The following NEK7 variants were observed in gnomAD, a reference collection of about 807,000 sequenced individuals.
NEK7 encodes NIMA related kinase 7.
Under a neutral mutation model 44.6 loss-of-function variants are expected in NEK7, and 18 were observed. The ratio of observed to expected loss-of-function variants is 0.40; its 90% CI spans 0.28 to 0.60. The LOEUF (loss-of-function observed/expected upper bound fraction) is 0.60, where lower values mean the gene tolerates loss of function less well. NEK7 is among the 20% of genes least tolerant of loss of function. The pLI is 0.38. For missense variants in NEK7, 256 were observed against 366.5 expected, an observed-to-expected ratio of 0.70 and a Z score of 2.46; for synonymous variants, 130 against 121.1, an observed-to-expected ratio of 1.07 and a Z score of -0.48.
rs147869998 is a variant in NEK7, at chr1:198,192,676, A to G, written c.-29+35400A>G. On this transcript the variant is annotated intron_variant, in intron 1 of 9. Coordinates refer to ENST00000367385, the MANE Select transcript of NEK7 (RefSeq NM_133494.3). ...ATTAAGAAACACACTCAAAACCACA[A>G]CTACATGGAAATTGAACAGCCTGCT... Among the ~76,000 whole-genome samples the G allele has an allele frequency of 1.6e-4, 25 of 152,294 alleles. No individual in the cohort carries two copies. In the East Asian group the frequency reaches 4.6e-3, roughly 28 times the overall value.
intron 1 of NEK7, chr1:198,197,910 C>T: frequency 1.5e-6 from 2 of 1,318,994 alleles, no homozygotes; most frequent in Non-Finnish European, 2.2e-6. Flanking sequence ...CCGAACATGC[C>T]AGGAGCCAAG....
In NEK7 at chr1:198,320,749, A is replaced by G. The variant is rs1024322549; in HGVS notation, c.*1227A>G. 3.9e-5 allele frequency: 6 copies of G among 152,206 alleles called. No individual in the cohort carries two copies. The highest frequency in any genetic ancestry group is 2.1e-4 in the South Asian group (1 of 4,832). The allele number at this position is 152,206 out of a possible 1,614,324, so 9.4% of individuals were successfully genotyped here. A position where few individuals can be genotyped will look rare whatever the true frequency, so the allele number is the denominator to read the frequency against. ...ATTTATTTGACAAGGTTGTAATTCT[A>G]GAATATGCTTAATAAAATGAAAACT... On this transcript the variant is annotated 3_prime_UTR_variant, in exon 10 of 10. Coordinates refer to ENST00000367385, the MANE Select transcript of NEK7 (RefSeq NM_133494.3).
At chr1:198,251,597 G>T (rs571069774) in intron 2 of NEK7, among the ~76,000 whole-genome samples, 2 of 152,082 alleles carry the variant, frequency 1.3e-5, no homozygotes, top group Non-Finnish European at 2.9e-5. Flanking sequence ...TCCTGGTTTA[G>T]TCTTGGGAGG....
intron 1 of NEK7, among the ~76,000 whole-genome samples, chr1:198,192,425 T>C (rs72751010): frequency 0.046 from 7,012 of 152,022 alleles, 259 homozygotes; most frequent in Middle Eastern, 0.071. Flanking sequence ...AATTTATTGG[T>C]GTGATGTGGA....
chr1:198,191,093 G>A (rs191317508), intron 1 of NEK7, among the ~76,000 whole-genome samples: 250 of 152,042 alleles, frequency 1.6e-3, no homozygotes, highest in Middle Eastern at 6.8e-3. Context: ...ACATCAAGGG[G>A]TCCTAGGCCT....
intron 5 of NEK7, among the ~76,000 whole-genome samples, chr1:198,267,015 G>C (rs191841376): frequency 6.6e-6 from 1 of 152,128 alleles, no homozygotes; most frequent in African/African-American, 2.4e-5. Flanking sequence ...ACTTGTGTCT[G>C]TTACTGTTCT....
At chr1:198,235,750 G>A (rs1015093964) in intron 2 of NEK7, among the ~76,000 whole-genome samples, 8 of 151,984 alleles carry the variant, frequency 5.3e-5, no homozygotes, top group Non-Finnish European at 7.4e-5. Flanking sequence ...GAATTTTTGC[G>A]AGTTATTAGA....
intron 7 of NEK7, 51 bp from the exon 8 acceptor site, chr1:198,292,894 G>C: frequency 2.1e-6 from 2 of 964,620 alleles, no homozygotes; most frequent in South Asian, 1.3e-5. Flanking sequence ...GACCACAGCT[G>C]TATCTTTATT....
intron 1 of NEK7, among the ~76,000 whole-genome samples, chr1:198,171,908 T>C (rs899927412): frequency 9.2e-5 from 14 of 152,296 alleles, no homozygotes; most frequent in African/African-American, 3.4e-4. Flanking sequence ...GCTTGGATAA[T>C]CCTGACATCC....
chr1:198,182,684 C>T (rs768757086), intron 1 of NEK7, among the ~76,000 whole-genome samples: 3 of 152,078 alleles, frequency 2.0e-5, no homozygotes, highest in African/African-American at 4.8e-5. Flanking sequence ...TGTTTTATTA[C>T]GTGCTAACCA....
chr1:198,210,950 C>T (rs1184666907), intron 1 of NEK7, among the ~76,000 whole-genome samples: 2 of 151,578 alleles, frequency 1.3e-5, no homozygotes, highest in African/African-American at 4.8e-5. Flanking sequence ...GACGGGGTTT[C>T]ACCGTTTTAG....
rs1401690566 is a variant in NEK7, at chr1:198,198,790, C to A, written c.-28-33763C>A. ...GATTCTCAGTTTTTAATTCCCTCTC[C>A]CCACAATTCGTCGGTAGCCCCCAGC... is the stretch of plus-strand genomic sequence containing the variant. On this transcript the variant is annotated intron_variant, in intron 1 of 9. Coordinates refer to ENST00000367385, the MANE Select transcript of NEK7 (RefSeq NM_133494.3). Among the ~76,000 whole-genome samples, 3 of 152,208 alleles carry A rather than the reference C, an allele frequency of 2.0e-5. No homozygotes were observed. The East Asian group carries it at 5.8e-4, about 29-fold the overall frequency.
intron 1 of NEK7, among the ~76,000 whole-genome samples, chr1:198,158,182 CTGGGGAGAAA>C (rs1242764725): frequency 6.6e-6 from 1 of 152,166 alleles, no homozygotes; most frequent in African/African-American, 2.4e-5. Context: ...GTAGTCCTCA[CTGGGGAGAAA>C]TGCTAAAAAA....
At position 198,198,311 on chromosome 1, in the gene NEK7, G is replaced by A. The variant is rs1054888354; in HGVS notation, c.-28-34242G>A. The A allele has an allele frequency of 1.3e-4, 50 of 394,204 alleles. 1 individual carries two copies. The highest frequency in any genetic ancestry group is 9.9e-4 in the African/African-American group (47 of 47,560). The allele number at this position is 394,204 out of a possible 1,614,324, so 24.4% of individuals were successfully genotyped here. A position where few individuals can be genotyped will look rare whatever the true frequency, so the allele number is the denominator to read the frequency against. ...ACTAGGTGAAAATGTAGGACATTAC[G>A]AGCACTGTGGAAGCTTTCCTTGGGC... On this transcript the variant is annotated intron_variant, in intron 1 of 9. Transcript: ENST00000367385.
chr1:198,300,066 G>T (rs1445928166), intron 9 of NEK7, among the ~76,000 whole-genome samples: 4 of 152,112 alleles, frequency 2.6e-5, no homozygotes, highest in Admixed American at 2.6e-4. Context: ...TTTTATGGCT[G>T]ACTTAAATAT....
rs1159447197 is a variant in NEK7 at position 198,250,355 on chromosome 1, C to A, written c.58-2685C>A. 2.6e-5 allele frequency among the ~76,000 whole-genome samples: 4 copies of A among 151,916 alleles called. No individual in the cohort carries two copies. The South Asian group carries it at 8.3e-4, about 32-fold the overall frequency. On this transcript the variant is annotated intron_variant, in intron 2 of 9. Transcript: ENST00000367385. ...TTCTTTTGGCTTAGAATTGACTTGG[C>A]GATGCGGGCTCTTTTTTGGTTCCAT...
Position 198,253,080 on chromosome 1 carries a change from A to G in NEK7, c.98A>G (p.Asn33Ser). Residue 33 changes from asparagine (N) to serine (S), a missense_variant, in exon 3 of 10, where the codon AAC becomes AGC. Physicochemically the swap from Asn to Ser is conservative, Grantham distance 46. This residue lies in a region of NEK7 where 96 missense variants were observed against 94.9 expected (regional missense o/e 1.01). Transcript: ENST00000367385. ...GATATGGGCTATAATACATTAGCCA[A>G]CTTTCGAATAGAAAAGAAAATTGGT... is the stretch of plus-strand genomic sequence containing the variant. ...RPDMGYNTLA[N>S]FRIEKKIGRG... 6.2e-7 allele frequency: 1 copy of G among 1,612,782 alleles called. No individual in the cohort carries two copies. The highest frequency in any genetic ancestry group is 8.5e-7 in the Non-Finnish European group (1 of 1,179,046).
At chr1:198,252,567 T>TATATATATATATATAA (rs1307124157) in intron 2 of NEK7, among the ~76,000 whole-genome samples, 1 of 50,994 alleles carries the variant, frequency 2.0e-5, no homozygotes, top group Non-Finnish European at 3.1e-5. Context: ...TATATATATA[T>TATATATATATATATAA]AAAAAGTACA....
intron 1 of NEK7, among the ~76,000 whole-genome samples, chr1:198,164,956 G>A (rs1664223095): frequency 6.6e-6 from 1 of 152,200 alleles, no homozygotes; most frequent in South Asian, 2.1e-4. Context: ...TAAATCCTAT[G>A]TTGTCATTTT....
Sources: gnomAD v4.1 joint callset for allele counts (sites outside exome capture counted in the v4.1 genomes callset) on GRCh38, gnomAD v4.1.1 for gene constraint, gnomAD v4.1.1 regional missense constraint, MANE v1.5 for transcripts, NCBI Gene and HGNC (gene_info 2026-07-23, HGNC 2026-07-21) for gene names.